GSE1: variants seen among roughly 807,000 people sequenced by gnomAD.
GSE1 encodes the protein genetic suppressor element 1.
In GSE1, 32 loss-of-function variants were observed where a neutral mutation model predicts 112.6. That is an observed-to-expected ratio of 0.28 (90% CI 0.21 to 0.38). GSE1 has a LOEUF of 0.38. Among genes scored for constraint, GSE1 ranks in the 10% least tolerant of loss-of-function variants. The pLI, the probability that GSE1 is intolerant of heterozygous loss-of-function variation, is 1.00. For synonymous variants in GSE1, 1,115 were observed against 735.6 expected, an observed-to-expected ratio of 1.52 and a Z score of -8.35; for missense variants, 2,348 against 1,699.2, an observed-to-expected ratio of 1.38 and a Z score of -6.71.
chr16:85,651,452 G>C (rs1324974532), intron 3 of GSE1, among the ~76,000 whole-genome samples: 6 of 152,170 alleles, frequency 3.9e-5, no homozygotes, highest in Non-Finnish European at 7.4e-5. Flanking sequence ...GGCCAGGAAG[G>C]TGCCATCTGG....
chr16:85,304,688 G>A (rs1671284829), intron 1 of GSE1, among the ~76,000 whole-genome samples: 1 of 151,742 alleles, frequency 6.6e-6, no homozygotes, highest in African/African-American at 2.4e-5. Flanking sequence ...TTGGCAGCTG[G>A]GCCGTGATGT....
chr16:85,441,651 C>A (rs716810), intron 2 of GSE1, among the ~76,000 whole-genome samples: 116,656 of 152,120 alleles, frequency 0.77, 44,895 homozygotes, highest in African/African-American at 0.81. Flanking sequence ...CGTCTCAAAA[C>A]ACAAAAACAA....
chr16:85,632,164 T>G (rs2049590624), intron 1 of GSE1, among the ~76,000 whole-genome samples: 1 of 152,074 alleles, frequency 6.6e-6, no homozygotes. Context: ...CCCTGGCCCC[T>G]CCAGAAAGAG....
chr16:85,488,425 CCTACGGGGCT>C (rs1417743159), intron 2 of GSE1, among the ~76,000 whole-genome samples: 25 of 152,172 alleles, frequency 1.6e-4, no homozygotes, highest in Non-Finnish European at 2.8e-4. Context: ...CACGTTACAG[CCTACGGGGCT>C]CTCTGCATGG....
intron 1 of GSE1, among the ~76,000 whole-genome samples, chr16:85,310,778 C>T (rs1222851817): frequency 2.6e-5 from 4 of 151,698 alleles, no homozygotes; most frequent in Non-Finnish European, 4.4e-5. Context: ...CTCTGGCCTG[C>T]GTCCCCCCCC....
chr16:85,397,859 A>C (rs1597598724), intron 2 of GSE1, among the ~76,000 whole-genome samples: 1 of 152,090 alleles, frequency 6.6e-6, no homozygotes, highest in South Asian at 2.1e-4. Flanking sequence ...TCCAGCCCGC[A>C]TAGAAGGAGG....
intron 1 of GSE1, among the ~76,000 whole-genome samples, chr16:85,179,525 C>T (rs1381734721): frequency 6.6e-6 from 1 of 152,176 alleles, no homozygotes; most frequent in Non-Finnish European, 1.5e-5. Flanking sequence ...AGTAAGGTTG[C>T]TGCGTCCTAG....
intron 1 of GSE1, among the ~76,000 whole-genome samples, chr16:85,246,902 C>G (rs920185913): frequency 6.6e-6 from 1 of 152,072 alleles, no homozygotes; most frequent in Admixed American, 6.5e-5. Context: ...CCCAGGGGAG[C>G]TTGGTAGAGG....
chr16:85,392,727 C>G (rs550447706), intron 2 of GSE1, among the ~76,000 whole-genome samples: 8 of 152,338 alleles, frequency 5.3e-5, no homozygotes, highest in Admixed American at 2.6e-4. Context: ...GAGAGCCAGC[C>G]GCATATCACA....
chr16:85,214,526 C>T (rs994178421), intron 1 of GSE1, among the ~76,000 whole-genome samples: 3 of 152,176 alleles, frequency 2.0e-5, no homozygotes, highest in African/African-American at 7.2e-5. Flanking sequence ...CCTTCAGAGG[C>T]AGCGCGGCCC....
intron 1 of GSE1, among the ~76,000 whole-genome samples, chr16:85,574,907 T>G (rs1200900191): frequency 6.6e-6 from 1 of 152,142 alleles, no homozygotes; most frequent in African/African-American, 2.4e-5. Context: ...GGCGGGGGAT[T>G]TAACCCTGAG....
Position 85,220,708 on chromosome 16 carries a change from C to T in GSE1, c.2283+48901C>T, listed in dbSNP as rs193203082. On this transcript the variant is annotated intron_variant, in intron 1 of 2. Transcript: ENST00000637419. The stretch of plus-strand genomic sequence containing the variant: ...CTGGAGTCCCTGGCTTTGCCACTCT[C>T]GTGCTCTCTCGCGCTCTCTGCACCT... Among the ~76,000 whole-genome samples the T allele has an allele frequency of 1.7e-4, 26 of 152,320 alleles. 1 individual carries two copies. The East Asian group carries it at 4.1e-3, about 24-fold the overall frequency.
chr16:85,378,095 C>T (rs966493911), intron 2 of GSE1, among the ~76,000 whole-genome samples: 5 of 152,186 alleles, frequency 3.3e-5, no homozygotes, highest in African/African-American at 7.2e-5. Flanking sequence ...CCCCATCCCC[C>T]GCCACCACCC....
intron 1 of GSE1, among the ~76,000 whole-genome samples, chr16:85,298,682 C>A (rs1240096510): frequency 6.6e-6 from 1 of 152,214 alleles, no homozygotes; most frequent in Non-Finnish European, 1.5e-5. Context: ...CTGCCTTGGC[C>A]TCCCAAAGTG....
chr16:85,510,443 T>G (rs543836145), intron 2 of GSE1, among the ~76,000 whole-genome samples: 1 of 152,274 alleles, frequency 6.6e-6, no homozygotes, highest in African/African-American at 2.4e-5. Flanking sequence ...TGTCAGTGTG[T>G]GTGTGTCGGT....
At chr16:85,186,793 C>G (rs1182438872) in intron 1 of GSE1, among the ~76,000 whole-genome samples, 1 of 152,120 alleles carries the variant, frequency 6.6e-6, no homozygotes, top group African/African-American at 2.4e-5. Flanking sequence ...AAAATCTAAA[C>G]AGTCTGAGTC....
In GSE1 at chr16:85,590,414, C is replaced by T. The variant is rs140105304; in HGVS notation, c.37+34051C>T. ...ACATGTGTGACATTGTGTGTGTGAA[C>T]ATGTGGGCCCGCGTGTGAATGAGTG... On this transcript the variant is annotated intron_variant, in intron 1 of 2. Transcript: ENST00000635906. 6.4e-3 allele frequency among the ~76,000 whole-genome samples: 942 copies of T among 147,836 alleles called. 9 individuals are homozygous for T. The highest frequency in any genetic ancestry group is 0.031 in the South Asian group (140 of 4,584).
intron 2 of GSE1, among the ~76,000 whole-genome samples, chr16:85,447,812 C>A (rs1430513552): frequency 6.6e-6 from 1 of 152,212 alleles, no homozygotes; most frequent in Non-Finnish European, 1.5e-5. Flanking sequence ...CCCTGAGGTG[C>A]CTTTCACACA....
chr16:85,409,565 C>A (rs113011255), intron 2 of GSE1, among the ~76,000 whole-genome samples: 5 of 4,152 alleles, frequency 1.2e-3, no homozygotes, highest in African/African-American at 1.3e-3. Flanking sequence ...TCACTGTTAC[C>A]CTCAGGCCCC....
Sources: gnomAD v4.1 joint callset for allele counts (sites outside exome capture counted in the v4.1 genomes callset) on GRCh38, gnomAD v4.1.1 for gene constraint, MANE v1.5 for transcripts, NCBI Gene and HGNC (gene_info 2026-07-23, HGNC 2026-07-21) for gene names.